The following CNNM3 variants were observed in gnomAD, a reference collection of about 807,000 sequenced individuals.
CNNM3 encodes the protein cyclin and CBS domain divalent metal cation transport mediator 3.
A neutral mutation model predicts 57.1 loss-of-function variants in CNNM3; 47 were observed. That is an observed-to-expected ratio of 0.82 (90% CI 0.65 to 1.05). CNNM3 has a LOEUF of 1.05. CNNM3 is among the 50% of genes least tolerant of loss of function. The probability of loss-of-function intolerance (pLI) is 0.00; values close to 1 mark genes in which losing one functional copy is unlikely to be tolerated. For missense variants in CNNM3, 957 were observed against 973.7 expected, an observed-to-expected ratio of 0.98 and a Z score of 0.23; for synonymous variants, 507 against 478.2, an observed-to-expected ratio of 1.06 and a Z score of -0.79.
chr2:96,818,490 A>T (rs1000680235), intron 1 of CNNM3, among the ~76,000 whole-genome samples: 1 of 151,142 alleles, frequency 6.6e-6, no homozygotes, highest in Non-Finnish European at 1.5e-5. Context: ...ACCTCAAGTG[A>T]TCCTCCCACC....
intron 1 of CNNM3, among the ~76,000 whole-genome samples, chr2:96,823,815 C>T (rs957998218): frequency 4.6e-5 from 7 of 152,228 alleles, no homozygotes; most frequent in African/African-American, 1.7e-4. Flanking sequence ...GAGTTGCTCC[C>T]ATCCCCCTGT....
In CNNM3 at chr2:96,827,788, A is replaced by G. The variant is rs2079534403; in HGVS notation, c.1577A>G (p.Lys526Arg). The change falls in exon 4 of 8, where the codon AAG (lysine) becomes AGG (arginine). Residue 526 changes from lysine (K) to arginine (R), a missense_variant. Physicochemically the swap from Lys to Arg is conservative, Grantham distance 26. Transcript: ENST00000305510. ...GAGAAGGTCCTGCTGCACCTGTTGA[A>G]GCATCCCAGTGTCAACCAGGAAGTG... ...ISEKVLLHLL[K>R]HPSVNQEVRF... is the part of the protein sequence containing the mutation. 1 of 1,614,198 alleles carries G rather than the reference A, an allele frequency of 6.2e-7. No homozygotes were observed. Among genetic ancestry groups the G allele is most frequent in the African/African-American group, 1.3e-5 (1 of 75,058 alleles).
intron 7 of CNNM3, 22 bp downstream of exon 7, chr2:96,829,156 G>A (rs756457541): frequency 8.1e-6 from 13 of 1,611,744 alleles, no homozygotes; most frequent in South Asian, 4.4e-5. Context: ...GTGGTACATC[G>A]TGCATGGTGT....
chr2:96,832,970 C>A lies in CNNM3; in HGVS notation c.*354C>A. ...CAGATTCAGACCTCTTTGGGCTGAGCCACCTTGTGAGTGCAGTTACTGCCT... is the reference window on the plus strand; with the variant it reads ...CAGATTCAGACCTCTTTGGGCTGAGACACCTTGTGAGTGCAGTTACTGCCT... On this transcript the variant is annotated 3_prime_UTR_variant, in exon 8 of 8. Transcript: ENST00000305510. 7.4e-7 allele frequency: 1 copy of A among 1,357,572 alleles called. No homozygotes were observed. The highest frequency in any genetic ancestry group is 4.1e-5 in the East Asian group (1 of 24,382). 84.1% of individuals were successfully genotyped at this position (1,357,572 alleles called of 1,614,324 possible). A position where few individuals can be genotyped will look rare whatever the true frequency, so the allele number is the denominator to read the frequency against.
chr2:96,822,542 T>A (rs1016062930), intron 1 of CNNM3, among the ~76,000 whole-genome samples: 12 of 152,218 alleles, frequency 7.9e-5, no homozygotes, highest in Admixed American at 3.9e-4. Flanking sequence ...ACTCCTGGCC[T>A]CAAGCGATCC....
chr2:96,832,545 C>G lies in CNNM3; in HGVS notation c.2060-7C>G. ...GATGTTAATTCTCCTTCCCTTGTCTCCTGTAGGGTCCAGCCACAGCAGGCC... is the reference window on the plus strand; with the variant it reads ...GATGTTAATTCTCCTTCCCTTGTCTGCTGTAGGGTCCAGCCACAGCAGGCC... On this transcript the variant is annotated splice_region_variant and splice_polypyrimidine_tract_variant and intron_variant, in intron 7 of 7. Coordinates refer to ENST00000305510, the MANE Select transcript of CNNM3 (RefSeq NM_017623.5). 6.2e-7 allele frequency: 1 copy of G among 1,614,192 alleles called. No individual in the cohort carries two copies. Among genetic ancestry groups the G allele is most frequent in the Non-Finnish European group, 8.5e-7 (1 of 1,180,030 alleles).
In CNNM3 at chr2:96,834,376, G is replaced by A. The variant is rs1293211636; in HGVS notation, c.*1760G>A. On this transcript the variant is annotated 3_prime_UTR_variant, in exon 8 of 8. Coordinates refer to ENST00000305510, the MANE Select transcript of CNNM3 (RefSeq NM_017623.5). ...ATTATTATTATTGAGACAAGATCTTGCTCTGTCGCCCAGACTGGAGTGCAG... is the reference window on the plus strand; with the variant it reads ...ATTATTATTATTGAGACAAGATCTTACTCTGTCGCCCAGACTGGAGTGCAG... Among the ~76,000 whole-genome samples, 3 of 149,118 alleles carry A rather than the reference G, an allele frequency of 2.0e-5. No homozygotes were observed. The highest frequency in any genetic ancestry group is 3.0e-5 in the Non-Finnish European group (2 of 67,324).
chr2:96,822,690 C>G (rs1430928220), intron 1 of CNNM3, among the ~76,000 whole-genome samples: 2 of 152,234 alleles, frequency 1.3e-5, no homozygotes, highest in African/African-American at 4.8e-5. Context: ...GGAAAAGAGT[C>G]TGACCAGCTC....
chr2:96,816,406 GGCGGGC>G lies in CNNM3; in HGVS notation c.135_140del (p.Ala46_Gly47del), dbSNP rs2079316996. The G allele has an allele frequency of 2.9e-6, 4 of 1,372,432 alleles. No homozygotes were observed. In the Admixed American group the frequency reaches 1.1e-4, roughly 39 times the overall value. 85.0% of individuals were successfully genotyped at this position (1,372,432 alleles called of 1,614,324 possible). Reference sequence around the variant, plus strand: ...GCTTCTGCCTGGAGGAGGATGGAGCGGCGGGCGCGGGTTGGGTACGCGGAGGGGCGG... The same window carrying G: ...GCTTCTGCCTGGAGGAGGATGGAGCGGCGGGTTGGGTACGCGGAGGGGCGG... On this transcript the variant is annotated inframe_deletion, in exon 1 of 8. Coordinates refer to ENST00000305510, the MANE Select transcript of CNNM3 (RefSeq NM_017623.5).
intron 7 of CNNM3, 76 bp downstream of exon 7, chr2:96,829,210 T>A (rs2079561084): frequency 2.0e-6 from 3 of 1,503,704 alleles, no homozygotes; most frequent in Non-Finnish European, 2.7e-6. Flanking sequence ...ACTTGCACTC[T>A]CGCCGCCCCC....
At position 96,833,412 on chromosome 2, in the gene CNNM3, C is replaced by A. The variant is rs905756365; in HGVS notation, c.*796C>A. On this transcript the variant is annotated 3_prime_UTR_variant, in exon 8 of 8. Coordinates refer to ENST00000305510, the MANE Select transcript of CNNM3 (RefSeq NM_017623.5). ...ATGCTGCATCGAATCCTCTCTCCGC[C>A]GTGTGGCCCCCAGGAGAGTAGCTGC... is the stretch of plus-strand genomic sequence containing the variant. 2.4e-5 allele frequency: 5 copies of A among 208,492 alleles called. No homozygotes were observed. Among genetic ancestry groups the A allele is most frequent in the Non-Finnish European group, 4.9e-5 (5 of 101,692 alleles). 12.9% of individuals were successfully genotyped at this position (208,492 alleles called of 1,614,324 possible).
intron 1 of CNNM3, among the ~76,000 whole-genome samples, chr2:96,819,689 C>T (rs1206885088): frequency 3.3e-5 from 5 of 152,134 alleles, no homozygotes; most frequent in Admixed American, 3.3e-4. Flanking sequence ...AGAAAAAGCT[C>T]ACTCTGGTGT....
rs775001414 is a variant in CNNM3, at chr2:96,816,291, T to A, written c.14T>A (p.Val5Glu). MAAA[V>E]AAAGRLGWLF... is the part of the protein sequence containing the mutation. ...GGGCAGCAGGCGATGGCGGCGGCGG[T>A]AGCTGCGGCGGGTCGGTTAGGCTGG... The change falls in exon 1 of 8, where the codon GTA becomes GAA. Residue 5 changes from valine to glutamate, a missense_variant. Coordinates refer to ENST00000305510, the MANE Select transcript of CNNM3 (RefSeq NM_017623.5). 5 of 1,302,292 alleles carry A rather than the reference T, an allele frequency of 3.8e-6. No homozygotes were observed. In the East Asian group the frequency reaches 1.2e-4, roughly 31 times the overall value. The allele number at this position is 1,302,292 out of a possible 1,614,324, so 80.7% of individuals were successfully genotyped here. A position where few individuals can be genotyped will look rare whatever the true frequency, so the allele number is the denominator to read the frequency against.
chr2:96,825,521 C>G (rs1415338471), intron 2 of CNNM3, among the ~76,000 whole-genome samples: 1 of 152,222 alleles, frequency 6.6e-6, no homozygotes, highest in Non-Finnish European at 1.5e-5. Context: ...CTTTCCCAGT[C>G]TTCTGTCTCC....
chr2:96,821,631 C>T (rs1452090008), intron 1 of CNNM3, among the ~76,000 whole-genome samples: 2 of 151,352 alleles, frequency 1.3e-5, no homozygotes, highest in Non-Finnish European at 2.9e-5. Context: ...CCTTGACTTA[C>T]AAATGGAGTT....
downstream of CNNM3, chr2:96,837,424 G>A (rs1171667421): frequency 6.6e-6 from 1 of 152,148 alleles, no homozygotes; most frequent in Non-Finnish European, 1.5e-5. Flanking sequence ...TTAAACCGAA[G>A]TATTTCCCTT....
At chr2:96,821,568 C>A (rs149791771) in intron 1 of CNNM3, among the ~76,000 whole-genome samples, 138 of 152,306 alleles carry the variant, frequency 9.1e-4, no homozygotes, top group Admixed American at 5.4e-3. Flanking sequence ...GTGCAGACGT[C>A]ACCAGGAAGA....
At position 96,816,311 on chromosome 2, in the gene CNNM3, G is replaced by A. The variant is rs752813796; in HGVS notation, c.34G>A (p.Gly12Ser). 2 of 1,292,046 alleles carry A rather than the reference G, an allele frequency of 1.5e-6. No homozygotes were observed. The highest frequency in any genetic ancestry group is 3.1e-5 in the African/African-American group (2 of 64,902). 80.0% of individuals were successfully genotyped at this position (1,292,046 alleles called of 1,614,324 possible). The stretch of plus-strand genomic sequence containing the variant: ...GGCGGTAGCTGCGGCGGGTCGGTTA[G>A]GCTGGTTGTTCGCCGCGCTCTGCCT... ...AAAVAAAGRL[G>S]WLFAALCLGN... is the part of the protein sequence containing the mutation. Residue 12 changes from glycine (G) to serine (S), a missense_variant, in exon 1 of 8, where the codon GGC becomes AGC. Physicochemically the swap from Gly to Ser is moderately conservative, Grantham distance 56 (BLOSUM62 0). This residue lies in a region of CNNM3 where 466 missense variants were observed against 403.1 expected (regional missense o/e 1.16). Transcript: ENST00000305510.
chr2:96,834,429 C>T lies in CNNM3; in HGVS notation c.*1813C>T, dbSNP rs1034039747. ...GTGTGATCACGGCTTGCTGCAGCCT[C>T]GACCTCCCTGGTTCAGGCCATCCTG... On this transcript the variant is annotated 3_prime_UTR_variant, in exon 8 of 8. Coordinates refer to ENST00000305510, the MANE Select transcript of CNNM3 (RefSeq NM_017623.5). 7.9e-5 allele frequency among the ~76,000 whole-genome samples: 12 copies of T among 151,774 alleles called. No homozygotes were observed. Among genetic ancestry groups the T allele is most frequent in the African/African-American group, 2.7e-4 (11 of 41,318 alleles).
Sources: allele counts gnomAD v4.1 joint callset (sites outside exome capture counted in the v4.1 genomes callset), GRCh38; gene constraint gnomAD v4.1.1; regional missense constraint gnomAD v4.1.1; transcripts MANE v1.5; gene names NCBI Gene and HGNC (gene_info 2026-07-23, HGNC 2026-07-21).